Variants in SCFD2 observed in about 807,000 individuals in gnomAD.
SCFD2 encodes sec1 family domain containing 2, also known as sec1 family domain-containing protein 2.
Under a neutral mutation model 58.9 loss-of-function variants are expected in SCFD2, and 54 were observed. That is an observed-to-expected ratio of 0.92 (90% CI 0.74 to 1.15). The LOEUF is 1.15. Ranked by LOEUF, SCFD2 falls within the 50% of genes most tolerant of loss-of-function variation. SCFD2 has a pLI of 0.00. For missense variants in SCFD2, 805 were observed against 836.6 expected, an observed-to-expected ratio of 0.96 and a Z score of 0.47; for synonymous variants, 321 against 335.9, an observed-to-expected ratio of 0.96 and a Z score of 0.49.
chr4:53,302,252 G>C (rs1244430510), intron 3 of SCFD2, among the ~76,000 whole-genome samples: 1 of 152,284 alleles, frequency 6.6e-6, no homozygotes, highest in East Asian at 1.9e-4. Flanking sequence ...CTTCAGCAAA[G>C]TCTCAGGATA....
chr4:53,301,800 C>T (rs547858286), intron 3 of SCFD2, among the ~76,000 whole-genome samples: 5 of 152,116 alleles, frequency 3.3e-5, no homozygotes, highest in Middle Eastern at 3.4e-3. Context: ...GTTCAACATA[C>T]GAAAATCAAT....
At chr4:52,918,417 G>A (rs745383624) in intron 6 of SCFD2, among the ~76,000 whole-genome samples, 9 of 152,056 alleles carry the variant, frequency 5.9e-5, no homozygotes, top group African/African-American at 1.7e-4. Context: ...CTGGGGATAC[G>A]GCAGTGAACA....
At chr4:53,036,196 C>T (rs1246239665) in intron 5 of SCFD2, among the ~76,000 whole-genome samples, 3 of 151,912 alleles carry the variant, frequency 2.0e-5, no homozygotes, top group Admixed American at 2.0e-4. Context: ...TCTCCTAATG[C>T]TATCCCTCCC....
chr4:53,335,819 C>T (rs989297125), intron 2 of SCFD2, among the ~76,000 whole-genome samples: 2 of 152,130 alleles, frequency 1.3e-5, no homozygotes, highest in African/African-American at 4.8e-5. Context: ...TTTGGAAATA[C>T]TACTCTAAGT....
At chr4:52,945,127 T>C (rs1459317510) in intron 5 of SCFD2, among the ~76,000 whole-genome samples, 1 of 152,144 alleles carries the variant, frequency 6.6e-6, no homozygotes, top group African/African-American at 2.4e-5. Flanking sequence ...GCAGATAAAT[T>C]TGTATGTGAA....
intron 2 of SCFD2, among the ~76,000 whole-genome samples, chr4:53,335,955 T>C (rs1733671051): frequency 6.6e-6 from 1 of 152,176 alleles, no homozygotes; most frequent in African/African-American, 2.4e-5. Flanking sequence ...AATCTCTTTA[T>C]ATAAAACATA....
intron 4 of SCFD2, among the ~76,000 whole-genome samples, chr4:53,216,942 G>A (rs572893521): frequency 6.6e-6 from 1 of 152,270 alleles, no homozygotes; most frequent in Admixed American, 6.5e-5. Flanking sequence ...CAGTTTCCAT[G>A]TAGCTGAGCG....
At chr4:52,939,748 G>A (rs1274612654) in intron 5 of SCFD2, among the ~76,000 whole-genome samples, 1 of 151,092 alleles carries the variant, frequency 6.6e-6, no homozygotes, top group African/African-American at 2.4e-5. Context: ...AAAAAAAAAA[G>A]CAGAGAAAGG....
At chr4:53,240,574 C>T (rs184720676) in intron 4 of SCFD2, among the ~76,000 whole-genome samples, 98 of 152,318 alleles carry the variant, frequency 6.4e-4, no homozygotes, top group African/African-American at 2.2e-3. Flanking sequence ...AAAGGGGCAA[C>T]TAATACTTTC....
chr4:52,898,027 C>A (rs1011929785), intron 7 of SCFD2, among the ~76,000 whole-genome samples: 3 of 152,098 alleles, frequency 2.0e-5, no homozygotes, highest in African/African-American at 4.8e-5. Flanking sequence ...GTTATTGCGT[C>A]TATTTGATTC....
At chr4:53,056,352 A>T (rs1184238720) in intron 5 of SCFD2, among the ~76,000 whole-genome samples, 5 of 152,138 alleles carry the variant, frequency 3.3e-5, no homozygotes, top group Non-Finnish European at 5.9e-5. Context: ...CCAACCATTC[A>T]GCCTCAGCCT....
At chr4:53,060,600 TCTC>T (rs1723481922) in intron 5 of SCFD2, among the ~76,000 whole-genome samples, 1 of 152,132 alleles carries the variant, frequency 6.6e-6, no homozygotes. Context: ...TGGTGTGATA[TCTC>T]AACATACTGA....
intron 5 of SCFD2, among the ~76,000 whole-genome samples, chr4:52,978,526 G>A (rs1188719097): frequency 2.0e-5 from 3 of 152,098 alleles, no homozygotes; most frequent in Non-Finnish European, 4.4e-5. Context: ...CAATGATTAG[G>A]ACTCAGCAAA....
At chr4:53,319,852 C>G (rs767584255) in intron 2 of SCFD2, among the ~76,000 whole-genome samples, 1 of 152,144 alleles carries the variant, frequency 6.6e-6, no homozygotes, top group Admixed American at 6.5e-5. Context: ...ATTTTTAACA[C>G]TGATAAAATT....
chr4:53,077,717 C>A (rs1724019743), intron 5 of SCFD2, among the ~76,000 whole-genome samples: 1 of 152,184 alleles, frequency 6.6e-6, no homozygotes, highest in South Asian at 2.1e-4. Flanking sequence ...GGATTACAGG[C>A]ATGAGCCACG....
At chr4:53,226,956 A>C (rs1276405229) in intron 4 of SCFD2, among the ~76,000 whole-genome samples, 1 of 152,212 alleles carries the variant, frequency 6.6e-6, no homozygotes, top group African/African-American at 2.4e-5. Context: ...CCCGATCTAA[A>C]AAAGGTATCC....
intron 5 of SCFD2, among the ~76,000 whole-genome samples, chr4:53,073,338 T>C (rs573322543): frequency 6.6e-6 from 1 of 152,256 alleles, no homozygotes; most frequent in South Asian, 2.1e-4. Flanking sequence ...TGAGGGATGA[T>C]TGTATGTGTT....
At chr4:53,191,385 C>G (rs184636498) in intron 4 of SCFD2, among the ~76,000 whole-genome samples, 15 of 152,080 alleles carry the variant, frequency 9.9e-5, no homozygotes, top group Non-Finnish European at 1.6e-4. Flanking sequence ...TGAAAATATT[C>G]ATAAATTATG....
At chr4:53,227,736 A>T (rs546259400) in intron 4 of SCFD2, among the ~76,000 whole-genome samples, 2 of 152,134 alleles carry the variant, frequency 1.3e-5, no homozygotes, top group Non-Finnish European at 2.9e-5. Flanking sequence ...GCTCCAAACG[A>T]AATTCCAGGG....
Sources: gnomAD v4.1 joint callset for allele counts (sites outside exome capture counted in the v4.1 genomes callset) on GRCh38, gnomAD v4.1.1 for gene constraint, MANE v1.5 for transcripts, NCBI Gene and HGNC (gene_info 2026-07-23, HGNC 2026-07-21) for gene names.